ETV7: variants seen among roughly 807,000 people sequenced by gnomAD.
ETV7 encodes transcription factor ETV7.
Under a neutral mutation model 39.1 loss-of-function variants are expected in ETV7, and 43 were observed. The observed-to-expected ratio is 1.10, with a 90% CI of 0.86 to 1.42. The LOEUF (loss-of-function observed/expected upper bound fraction) is 1.42. Among genes scored for constraint, ETV7 ranks in the 40% most tolerant of loss-of-function variants. The probability of loss-of-function intolerance (pLI) is 0.00; values close to 1 mark genes in which losing one functional copy is unlikely to be tolerated. For missense variants in ETV7, 432 were observed against 442.3 expected (o/e 0.98, Z 0.21); for synonymous variants, 196 against 176.6 (o/e 1.11, Z -0.87).
exon 8 of ETV7, chr6:36,354,353 C>A (rs1043232091): frequency 4.3e-6 from 1 of 235,272 alleles, no homozygotes; most frequent in African/African-American, 2.3e-5. Flanking sequence ...AAGATTTACT[C>A]CTATGTTTTA....
chr6:36,387,201 A>C (rs1445032368), intron 1 of ETV7, among the ~76,000 whole-genome samples: 1 of 152,012 alleles, frequency 6.6e-6, no homozygotes, highest in East Asian at 1.9e-4. Context: ...AGCTGTGAGG[A>C]CCTGGCTGGC....
chr6:36,376,587 C>G (rs1038454107), intron 2 of ETV7, among the ~76,000 whole-genome samples: 3 of 152,034 alleles, frequency 2.0e-5, no homozygotes, highest in Non-Finnish European at 4.4e-5. Flanking sequence ...ACCATCCTGG[C>G]CAACACGGTG....
intron 7 of ETV7, among the ~76,000 whole-genome samples, chr6:36,359,985 C>T (rs1358839443): frequency 6.6e-6 from 1 of 152,128 alleles, no homozygotes; most frequent in Non-Finnish European, 1.5e-5. Flanking sequence ...CTCCACCTCC[C>T]GGGTTCAAGT....
intron 2 of ETV7, among the ~76,000 whole-genome samples, chr6:36,382,733 A>G (rs778983843): frequency 2.0e-5 from 3 of 152,170 alleles, no homozygotes; most frequent in Admixed American, 1.3e-4. Flanking sequence ...GCAACTCTGA[A>G]TATAGGACAC....
intron 2 of ETV7, among the ~76,000 whole-genome samples, chr6:36,377,010 A>T (rs894113952): frequency 6.6e-6 from 1 of 152,090 alleles, no homozygotes; most frequent in Non-Finnish European, 1.5e-5. Flanking sequence ...ATGTGTTTTT[A>T]TTTCTGGCAG....
chr6:36,357,307 G>A (rs1226864250), intron 7 of ETV7, among the ~76,000 whole-genome samples: 1 of 152,180 alleles, frequency 6.6e-6, no homozygotes, highest in Non-Finnish European at 1.5e-5. Context: ...GCCAACCTGT[G>A]GGAGCCAGCA....
intron 5 of ETV7, among the ~76,000 whole-genome samples, chr6:36,370,123 A>C (rs1267828600): frequency 6.6e-6 from 1 of 152,176 alleles, no homozygotes; most frequent in Non-Finnish European, 1.5e-5. Context: ...CCAACCCAAA[A>C]GCCAGGCTTC....
chr6:36,383,736 C>A (rs1773762868), intron 2 of ETV7, among the ~76,000 whole-genome samples: 1 of 152,222 alleles, frequency 6.6e-6, no homozygotes. Flanking sequence ...CATTTGTCAT[C>A]CCCTATCTTT....
intron 4 of ETV7, among the ~76,000 whole-genome samples, chr6:36,372,026 G>A (rs1220357150): frequency 6.6e-6 from 1 of 152,162 alleles, no homozygotes; most frequent in Non-Finnish European, 1.5e-5. Flanking sequence ...AAATAAAAAG[G>A]AAACAGAAAC....
Position 36,368,983 on chromosome 6 carries a change from C to G in ETV7, c.753G>C (p.Lys251Asn). 2 of 1,614,198 alleles carry G rather than the reference C, an allele frequency of 1.2e-6. No homozygotes were observed. The highest frequency in any genetic ancestry group is 1.7e-6 in the Non-Finnish European group (2 of 1,180,038). ...PYIKWEDKDAKIFRVVDPNGL... is the reference protein window; with the variant it reads ...PYIKWEDKDANIFRVVDPNGL... ...CATTTGGATCCACAACTCGGAAGAT[C>G]TTGGCGTCCTTGTCTTCCCACTTGA... The change falls in exon 6 of 8, where the codon AAG becomes AAC. Residue 251 changes from lysine (K) to asparagine (N), a missense_variant. Coordinates refer to ENST00000340181, the MANE Select transcript of ETV7 (RefSeq NM_016135.4).
At chr6:36,387,076 A>G in intron 1 of ETV7, 3 of 238,380 alleles carry the variant, frequency 1.3e-5, no homozygotes, top group South Asian at 4.6e-5. Context: ...GGGAGTGGAG[A>G]AAGGCCTTGG....
intron 7 of ETV7, among the ~76,000 whole-genome samples, chr6:36,357,114 C>A (rs760611182): frequency 1.3e-5 from 2 of 152,052 alleles, no homozygotes; most frequent in Non-Finnish European, 2.9e-5. Context: ...ATGTAGGGAG[C>A]CAGGTATCTC....
At chr6:36,364,357 A>G (rs1169810781), downstream of ETV7, among the ~76,000 whole-genome samples, 1 of 152,244 alleles carries the variant, frequency 6.6e-6, no homozygotes, top group Non-Finnish European at 1.5e-5. Flanking sequence ...GGCAGGCTGC[A>G]GGTCCCCAGC....
intron 3 of ETV7, among the ~76,000 whole-genome samples, chr6:36,374,860 G>A (rs1187572271): frequency 6.6e-6 from 1 of 151,966 alleles, no homozygotes. Context: ...ACCTGAGGTT[G>A]GGAGTTTGAG....
Position 36,375,428 on chromosome 6 carries a change from A to G in ETV7, c.307+443T>C, listed in dbSNP as rs566460276. On this transcript the variant is annotated intron_variant, in intron 3 of 7. Transcript: ENST00000340181. ...CTGACATTCATTCCTTTGCCCTCAG[A>G]CCTAGTTTCTGGTTAAAATCAAAAG... Among the ~76,000 whole-genome samples, 8 of 152,210 alleles carry G rather than the reference A, an allele frequency of 5.3e-5. No homozygotes were observed. The South Asian group carries it at 1.5e-3, about 28-fold the overall frequency.
chr6:36,373,601 G>GTGGTTGGC, intron 3 of ETV7, 23 bp from the exon 4 acceptor site: 2 of 475,644 alleles, frequency 4.2e-6, no homozygotes, highest in Non-Finnish European at 8.0e-6. Flanking sequence ...GGGAGGGAGG[G>GTGGTTGGC]CAGGCTGCTG....
At chr6:36,362,271 C>T (rs910288229), downstream of ETV7, among the ~76,000 whole-genome samples, 2 of 151,480 alleles carry the variant, frequency 1.3e-5, no homozygotes, top group African/African-American at 2.4e-5. Flanking sequence ...CACTGCAGTC[C>T]GGCCTGTGTG....
chr6:36,356,588 A>G (rs566878998), intron 7 of ETV7, among the ~76,000 whole-genome samples: 1 of 152,216 alleles, frequency 6.6e-6, no homozygotes, highest in South Asian at 2.1e-4. Flanking sequence ...AGAAAGAGAA[A>G]TCCCAGGGAA....
chr6:36,363,663 G>GC (rs539492596), downstream of ETV7, among the ~76,000 whole-genome samples: 1 of 152,178 alleles, frequency 6.6e-6, no homozygotes, highest in East Asian at 1.9e-4. Flanking sequence ...CTCTTATCTG[G>GC]CCCCACCCAC....
Sources: allele counts gnomAD v4.1 joint callset (sites outside exome capture counted in the v4.1 genomes callset), GRCh38; gene constraint gnomAD v4.1.1; transcripts MANE v1.5; gene names NCBI Gene and HGNC (gene_info 2026-07-23, HGNC 2026-07-21).